NBEA: variants seen among roughly 807,000 people sequenced by gnomAD.
The protein encoded by NBEA is lysosomal-trafficking regulator 2.
In NBEA, 44 loss-of-function variants were observed where a neutral mutation model predicts 343.4. The observed-to-expected ratio is 0.13, with a 90% CI of 0.10 to 0.16. The LOEUF (loss-of-function observed/expected upper bound fraction) is 0.16. NBEA is among the 10% of genes least tolerant of loss of function. The pLI is 1.00. For missense variants in NBEA, 2,555 were observed against 3,631.3 expected, an observed-to-expected ratio of 0.70 and a Z score of 7.62; for synonymous variants, 1,175 against 1,238.7, an observed-to-expected ratio of 0.95 and a Z score of 1.08.
At chr13:35,052,914 G>A (rs573628449) in intron 6 of NBEA, among the ~76,000 whole-genome samples, 2 of 151,930 alleles carry the variant, frequency 1.3e-5, no homozygotes, top group East Asian at 3.9e-4. Flanking sequence ...TAAGTTAATG[G>A]TACCCTTACC....
At chr13:35,194,812 T>A (rs2072465657) in intron 30 of NBEA, among the ~76,000 whole-genome samples, 2 of 152,134 alleles carry the variant, frequency 1.3e-5, no homozygotes, top group Admixed American at 6.5e-5. Context: ...AAGATTTTTT[T>A]ATTTCATTAC....
chr13:35,420,051 G>A (rs2044174764), intron 38 of NBEA, among the ~76,000 whole-genome samples: 1 of 151,944 alleles, frequency 6.6e-6, no homozygotes, highest in Non-Finnish European at 1.5e-5. Flanking sequence ...TACATAGACA[G>A]TCATGTTATC....
At chr13:35,639,602 TGTAA>T (rs2083846123) in intron 49 of NBEA, among the ~76,000 whole-genome samples, 2 of 152,192 alleles carry the variant, frequency 1.3e-5, no homozygotes, top group African/African-American at 4.8e-5. Context: ...TTAAAAGCCT[TGTAA>T]GTAAGAGCTA....
chr13:35,182,846 T>G (rs2071409108), intron 29 of NBEA, among the ~76,000 whole-genome samples: 1 of 151,972 alleles, frequency 6.6e-6, no homozygotes, highest in African/African-American at 2.4e-5. Flanking sequence ...TTTTTAACAT[T>G]TATAAACATG....
chr13:34,983,569 T>A (rs939706023), intron 1 of NBEA, among the ~76,000 whole-genome samples: 16 of 152,314 alleles, frequency 1.1e-4, no homozygotes, highest in African/African-American at 3.8e-4. Flanking sequence ...ATGATATTTC[T>A]AATTCTAGAT....
intron 16 of NBEA, among the ~76,000 whole-genome samples, chr13:35,119,453 G>A (rs1156575618): frequency 6.6e-6 from 1 of 152,080 alleles, no homozygotes; most frequent in Non-Finnish European, 1.5e-5. Flanking sequence ...TTTCAAATTA[G>A]AGAAGCAATC....
chr13:35,016,220 CAT>C (rs997072074), intron 1 of NBEA, among the ~76,000 whole-genome samples: 16 of 151,356 alleles, frequency 1.1e-4, no homozygotes, highest in African/African-American at 3.4e-4. Flanking sequence ...ATTTTTTTGC[CAT>C]ATGTGTATGT....
intron 10 of NBEA, among the ~76,000 whole-genome samples, chr13:35,082,568 C>G (rs190537704): frequency 1.2e-4 from 19 of 152,304 alleles, no homozygotes; most frequent in African/African-American, 4.3e-4. Context: ...TCCACATCTT[C>G]TGCAGCACCT....
chr13:35,645,726 T>G (rs938818239), intron 49 of NBEA, 143 bp from the exon 50 acceptor site: 17 of 451,668 alleles, frequency 3.8e-5, no homozygotes, highest in African/African-American at 3.5e-4. Flanking sequence ...GTAACAAAAG[T>G]TTTGTTATAT....
chr13:34,959,216 A>G (rs1245851454), intron 1 of NBEA, among the ~76,000 whole-genome samples: 1 of 152,186 alleles, frequency 6.6e-6, no homozygotes, highest in East Asian at 1.9e-4. Flanking sequence ...TTCATATTGT[A>G]AGTTTCTTTA....
At chr13:35,472,705 A>G (rs1159933556) in intron 41 of NBEA, among the ~76,000 whole-genome samples, 169 bp downstream of exon 41, 1 of 152,230 alleles carries the variant, frequency 6.6e-6, no homozygotes, top group Non-Finnish European at 1.5e-5. Context: ...TGAAGAATAT[A>G]TTAATGAATT....
chr13:35,158,958 AG>A, intron 21 of NBEA, 57 bp from the exon 22 acceptor site: 1 of 1,350,180 alleles, frequency 7.4e-7, no homozygotes, highest in Non-Finnish European at 1.0e-6. Flanking sequence ...TGTATTATTT[AG>A]TTTTTTCTTT....
intron 38 of NBEA, among the ~76,000 whole-genome samples, chr13:35,378,334 A>G (rs968560250): frequency 1.2e-4 from 19 of 152,200 alleles, no homozygotes; most frequent in African/African-American, 3.4e-4. Context: ...AGAAAAATTC[A>G]TAACTCAGGA....
At chr13:35,086,426 A>C (rs2064765984) in intron 10 of NBEA, among the ~76,000 whole-genome samples, 1 of 151,946 alleles carries the variant, frequency 6.6e-6, no homozygotes, top group Admixed American at 6.6e-5. Flanking sequence ...CCGACTAACT[A>C]ACCTTTGTTT....
chr13:35,351,930 T>C (rs1436219437), intron 37 of NBEA, among the ~76,000 whole-genome samples: 1 of 152,054 alleles, frequency 6.6e-6, no homozygotes, highest in Non-Finnish European at 1.5e-5. Context: ...CCATGAGTCT[T>C]TAATTACTTC....
At chr13:35,409,313 G>C (rs2043449808) in intron 38 of NBEA, among the ~76,000 whole-genome samples, 1 of 152,098 alleles carries the variant, frequency 6.6e-6, no homozygotes, top group Admixed American at 6.6e-5. Context: ...GACACATAGA[G>C]GGAAATGACA....
At chr13:35,342,843 C>T (rs2039663132) in intron 36 of NBEA, among the ~76,000 whole-genome samples, 1 of 151,742 alleles carries the variant, frequency 6.6e-6, no homozygotes, top group Admixed American at 6.6e-5. Flanking sequence ...CCCTCCCCAC[C>T]CCAATAAAAA....
At chr13:35,391,618 G>T (rs2042504174) in intron 38 of NBEA, among the ~76,000 whole-genome samples, 2 of 152,028 alleles carry the variant, frequency 1.3e-5, no homozygotes, top group African/African-American at 2.4e-5. Flanking sequence ...TTACATGGAT[G>T]TTTTTAGGTA....
chr13:35,314,644 G>A (rs1296137470), intron 36 of NBEA, among the ~76,000 whole-genome samples: 3 of 152,064 alleles, frequency 2.0e-5, no homozygotes, highest in Non-Finnish European at 2.9e-5. Context: ...CCATTGATAA[G>A]CTGTTAGACA....
Sources: gnomAD v4.1 joint callset for allele counts (sites outside exome capture counted in the v4.1 genomes callset) on GRCh38, gnomAD v4.1.1 for gene constraint, MANE v1.5 for transcripts, NCBI Gene and HGNC (gene_info 2026-07-23, HGNC 2026-07-21) for gene names.